Variants in KLF13 observed in about 807,000 individuals in gnomAD.
KLF13 encodes Krueppel-like factor 13.
Under a neutral mutation model 16.7 loss-of-function variants are expected in KLF13, and 8 were observed. The observed-to-expected ratio is 0.48, with a 90% CI of 0.28 to 0.87. The LOEUF (loss-of-function observed/expected upper bound fraction) is 0.87. Ranked by LOEUF, KLF13 falls within the 40% of genes least tolerant of loss-of-function variation. The pLI, the probability that KLF13 is intolerant of heterozygous loss-of-function variation, is 0.10. For synonymous variants in KLF13, 245 were observed against 208.4 expected (o/e 1.18, Z -1.51); for missense variants, 447 against 452.2 (o/e 0.99, Z 0.10).
upstream of KLF13, among the ~76,000 whole-genome samples, chr15:31,392,068 C>T (rs2039879462): frequency 6.6e-6 from 1 of 152,042 alleles, no homozygotes; most frequent in Admixed American, 6.5e-5. Context: ...TGCCCACTCG[C>T]CCCCGACCCC....
chr15:31,361,455 G>T (rs765691514), intron 1 of KLF13, among the ~76,000 whole-genome samples: 1 of 152,178 alleles, frequency 6.6e-6, no homozygotes, highest in African/African-American at 2.4e-5. Context: ...AGTAAAAGCT[G>T]CACCCCTGTA....
intron 1 of KLF13, among the ~76,000 whole-genome samples, chr15:31,413,379 A>G (rs75111887): frequency 0.018 from 2,811 of 152,274 alleles, 104 homozygotes; most frequent in African/African-American, 0.063. Flanking sequence ...AGAAAGGTCA[A>G]TCAACTCCAA....
rs149446974 is a variant in KLF13 at position 31,403,771 on chromosome 15, A to G, written n.873A>G. The G allele has an allele frequency of 1.9e-4, 29 of 152,330 alleles. 2 individuals carry two copies. The highest frequency in any genetic ancestry group is 6.7e-4 in the African/African-American group (28 of 41,558). 9.4% of individuals were successfully genotyped at this position (152,330 alleles called of 1,614,324 possible). On this transcript the variant is annotated non_coding_transcript_exon_variant, in exon 3 of 3. Coordinates refer to the KLF13 transcript ENST00000500533. Reference sequence around the variant, plus strand: ...AAACTGCTCTCTTGCTTAAGCCACTATTATGTTAGGATTTTTTCAACCCAT... The same window carrying G: ...AAACTGCTCTCTTGCTTAAGCCACTGTTATGTTAGGATTTTTTCAACCCAT...
intron 1 of KLF13, among the ~76,000 whole-genome samples, chr15:31,350,670 C>T (rs1279769573): frequency 6.6e-6 from 1 of 152,188 alleles, no homozygotes; most frequent in Non-Finnish European, 1.5e-5. Flanking sequence ...TTGGTGAAGT[C>T]TGGGACTTGC....
At chr15:31,396,974 TA>T (rs1348125912) in intron 2 of KLF13, among the ~76,000 whole-genome samples, 1 of 152,012 alleles carries the variant, frequency 6.6e-6, no homozygotes. Flanking sequence ...AAGATGGAGT[TA>T]GTTAAGTCAG....
chr15:31,334,292 G>A (rs987481126), intron 1 of KLF13, among the ~76,000 whole-genome samples: 5 of 152,218 alleles, frequency 3.3e-5, no homozygotes, highest in South Asian at 4.1e-4. Flanking sequence ...GTGGCCACAG[G>A]CAGCCTGTCT....
chr15:31,400,809 G>C (rs533839319), intron 2 of KLF13, among the ~76,000 whole-genome samples: 3 of 152,262 alleles, frequency 2.0e-5, no homozygotes, highest in African/African-American at 7.2e-5. Context: ...AGAGTCAGTT[G>C]TGCTGGTTGA....
At chr15:31,391,728 T>C (rs2039873741), upstream of KLF13, among the ~76,000 whole-genome samples, 1 of 150,798 alleles carries the variant, frequency 6.6e-6, no homozygotes, top group Non-Finnish European at 1.5e-5. Flanking sequence ...TGGGGGGCTG[T>C]GTGGGGCTGT....
At chr15:31,414,741 GAAAT>G (rs1377171235) in intron 1 of KLF13, among the ~76,000 whole-genome samples, 1 of 152,044 alleles carries the variant, frequency 6.6e-6, no homozygotes, top group South Asian at 2.1e-4. Flanking sequence ...CAGAAATGAA[GAAAT>G]AAATAGACAT....
intron 1 of KLF13, among the ~76,000 whole-genome samples, chr15:31,415,106 C>G (rs896491991): frequency 6.6e-6 from 1 of 152,090 alleles, no homozygotes; most frequent in Non-Finnish European, 1.5e-5. Context: ...ATTCTCTTGC[C>G]ATGTGATCTC....
intron 1 of KLF13, among the ~76,000 whole-genome samples, chr15:31,423,133 G>GTATACGTATACATATATATACGTATA: frequency 1.0e-5 from 1 of 95,636 alleles, no homozygotes; most frequent in Non-Finnish European, 1.9e-5. Context: ...GTATATATAC[G>GTATACGTATACATATATATACGTATA]TATACGTATA....
chr15:31,408,594 T>TA (rs750366297), downstream of KLF13, among the ~76,000 whole-genome samples: 1 of 152,144 alleles, frequency 6.6e-6, no homozygotes, highest in Non-Finnish European at 1.5e-5. Context: ...ACCCCCACAT[T>TA]AAAGACCTAG....
At chr15:31,433,242 A>G (rs2040493635) in intron 1 of KLF13, among the ~76,000 whole-genome samples, 1 of 152,172 alleles carries the variant, frequency 6.6e-6, no homozygotes, top group African/African-American at 2.4e-5. Flanking sequence ...ATCAGGAGTT[A>G]TGCGTTCTGG....
At chr15:31,352,582 C>T (rs1348706001) in intron 1 of KLF13, among the ~76,000 whole-genome samples, 4 of 152,106 alleles carry the variant, frequency 2.6e-5, no homozygotes, top group African/African-American at 4.8e-5. Flanking sequence ...GTGCTGGCCC[C>T]GTGGAAGGGC....
At chr15:31,401,551 C>T (rs2040037023) in intron 2 of KLF13, among the ~76,000 whole-genome samples, 1 of 152,176 alleles carries the variant, frequency 6.6e-6, no homozygotes, top group Admixed American at 6.5e-5. Flanking sequence ...GGGGTGAGAG[C>T]CTGTGCTGTG....
At chr15:31,337,539 C>T in intron 1 of KLF13, among the ~76,000 whole-genome samples, 1 of 152,154 alleles carries the variant, frequency 6.6e-6, no homozygotes, top group East Asian at 1.9e-4. Context: ...GCAGTTTCGT[C>T]CTTATGTGAA....
chr15:31,362,700 A>G (rs1186262710), intron 1 of KLF13, among the ~76,000 whole-genome samples: 4 of 152,082 alleles, frequency 2.6e-5, no homozygotes, highest in African/African-American at 7.2e-5. Flanking sequence ...AATTCTGTCA[A>G]CCTTCCCTGT....
chr15:31,410,555 A>G (rs781146063), intron 1 of KLF13, among the ~76,000 whole-genome samples: 42 of 151,814 alleles, frequency 2.8e-4, no homozygotes, highest in Non-Finnish European at 5.0e-4. Flanking sequence ...GGAAAAAGAT[A>G]TACCATGCAG....
chr15:31,427,303 A>G (rs1371303931), intron 1 of KLF13, among the ~76,000 whole-genome samples: 1 of 151,772 alleles, frequency 6.6e-6, no homozygotes, highest in East Asian at 1.9e-4. Context: ...ACTGCTTCAC[A>G]CCCCTTAGGA....
Sources: allele counts gnomAD v4.1 joint callset (sites outside exome capture counted in the v4.1 genomes callset), GRCh38; gene constraint gnomAD v4.1.1; transcripts MANE v1.5; gene names NCBI Gene and HGNC (gene_info 2026-07-23, HGNC 2026-07-21).